Variants in FNBP1L observed in about 807,000 individuals in gnomAD.
FNBP1L encodes formin-binding protein 1-like.
In FNBP1L, 36 loss-of-function variants were observed where a neutral mutation model predicts 91.2. The observed-to-expected ratio is 0.39, with a 90% CI of 0.30 to 0.52. The LOEUF is 0.52. Among genes scored for constraint, FNBP1L ranks in the 20% least tolerant of loss-of-function variants. The probability of loss-of-function intolerance (pLI) is 0.66; values close to 1 mark genes in which losing one functional copy is unlikely to be tolerated. For synonymous variants in FNBP1L, 242 were observed against 237.0 expected, an observed-to-expected ratio of 1.02 and a Z score of -0.19; for missense variants, 571 against 732.1, an observed-to-expected ratio of 0.78 and a Z score of 2.54.
intron 13 of FNBP1L, 141 bp from the exon 14 acceptor site, chr1:93,547,206 T>C (rs1672271488): frequency 1.1e-5 from 10 of 880,870 alleles, no homozygotes; most frequent in African/African-American, 1.7e-5. Flanking sequence ...AAGTTGATCC[T>C]TTGACCAGTT....
At position 93,516,606 on chromosome 1, in the gene FNBP1L, C is replaced by T. The variant is rs117977005; in HGVS notation, c.141-5476C>T. ...TAAGGTGAGGTCAGGAGTTTGAGAT[C>T]GGCCTGACTGACATGGTGAAACCCC... is the stretch of plus-strand genomic sequence containing the variant. On this transcript the variant is annotated intron_variant, in intron 2 of 16. Transcript: ENST00000271234. 9.1e-3 allele frequency among the ~76,000 whole-genome samples: 1,388 copies of T among 152,102 alleles called. 54 individuals are homozygous for T. Among genetic ancestry groups the T allele is most frequent in the Admixed American group, 0.061 (932 of 15,272 alleles).
At chr1:93,487,114 T>C (rs1222389369) in intron 1 of FNBP1L, among the ~76,000 whole-genome samples, 1 of 152,184 alleles carries the variant, frequency 6.6e-6, no homozygotes, top group African/African-American at 2.4e-5. Flanking sequence ...TGCATGTTGC[T>C]AAAGTGGTCA....
intron 5 of FNBP1L, among the ~76,000 whole-genome samples, chr1:93,525,396 C>T (rs1308831909): frequency 6.6e-6 from 1 of 151,938 alleles, no homozygotes; most frequent in African/African-American, 2.4e-5. Flanking sequence ...TTCTAATCAC[C>T]AGTGCTGATT....
At chr1:93,512,180 A>G (rs897109726) in intron 2 of FNBP1L, among the ~76,000 whole-genome samples, 4 of 152,194 alleles carry the variant, frequency 2.6e-5, no homozygotes, top group Admixed American at 6.5e-5. Context: ...AAAGAAGGCC[A>G]TTACATAATG....
At chr1:93,464,313 T>C (rs1033442495) in intron 1 of FNBP1L, among the ~76,000 whole-genome samples, 1 of 152,222 alleles carries the variant, frequency 6.6e-6, no homozygotes, top group African/African-American at 2.4e-5. Flanking sequence ...TGTAAAGATA[T>C]GTACAATTTT....
intron 1 of FNBP1L, among the ~76,000 whole-genome samples, chr1:93,498,221 A>G (rs552124589): frequency 6.6e-6 from 1 of 152,304 alleles, no homozygotes; most frequent in East Asian, 1.9e-4. Flanking sequence ...CTTTGAAGCA[A>G]TTTAGAAAAA....
At chr1:93,551,139 C>T in intron 16 of FNBP1L, 34 bp downstream of exon 16, 1 of 1,547,346 alleles carries the variant, frequency 6.5e-7, no homozygotes. Flanking sequence ...AACCAGGCAC[C>T]TTTGTGCCAT....
At chr1:93,482,720 C>CCT (rs1376683487) in intron 1 of FNBP1L, among the ~76,000 whole-genome samples, 1 of 151,726 alleles carries the variant, frequency 6.6e-6, no homozygotes, top group Non-Finnish European at 1.5e-5. Context: ...TGGTGAAACC[C>CCT]CTCTCTCTAC....
chr1:93,506,499 G>GTT (rs1670617812), intron 2 of FNBP1L, among the ~76,000 whole-genome samples: 1 of 150,450 alleles, frequency 6.6e-6, no homozygotes, highest in South Asian at 2.2e-4. Context: ...GGCCATATGT[G>GTT]TTAATCTGGC....
intron 1 of FNBP1L, among the ~76,000 whole-genome samples, chr1:93,474,402 A>T (rs555312438): frequency 1.3e-5 from 2 of 152,288 alleles, no homozygotes; most frequent in Admixed American, 1.3e-4. Flanking sequence ...GTGATTCTGG[A>T]GGAGGAAAGA....
At chr1:93,545,991 A>G (rs1003667752) in intron 12 of FNBP1L, among the ~76,000 whole-genome samples, 5 of 152,144 alleles carry the variant, frequency 3.3e-5, no homozygotes, top group Non-Finnish European at 7.4e-5. Context: ...GGGTTTAAAG[A>G]TATGAATCTA....
chr1:93,523,617 T>C, intron 4 of FNBP1L, 126 bp downstream of exon 4: 1 of 946,346 alleles, frequency 1.1e-6, no homozygotes. Context: ...TTCTTCTAGC[T>C]AAAAATTATC....
chr1:93,483,943 T>C (rs994757637), intron 1 of FNBP1L, among the ~76,000 whole-genome samples: 3 of 152,374 alleles, frequency 2.0e-5, no homozygotes, highest in African/African-American at 7.2e-5. Context: ...GCAAATAGTT[T>C]ATTGAGATGG....
intron 7 of FNBP1L, 37 bp from the exon 8 acceptor site, chr1:93,532,885 T>G (rs746077375): frequency 1.3e-6 from 2 of 1,521,326 alleles, no homozygotes; most frequent in East Asian, 2.3e-5. Context: ...ATTGAAAAAT[T>G]CAGTTTTCTC....
chr1:93,552,176 G>T, intron 16 of FNBP1L: 1 of 1,304,438 alleles, frequency 7.7e-7, no homozygotes, highest in East Asian at 2.9e-5. Flanking sequence ...CAAGGATTGT[G>T]CAGTGCTGGT....
intron 2 of FNBP1L, among the ~76,000 whole-genome samples, chr1:93,500,627 A>C (rs533271142): frequency 6.6e-6 from 1 of 152,170 alleles, no homozygotes; most frequent in African/African-American, 2.4e-5. Context: ...ACAATTTACT[A>C]ATACTGACTT....
At chr1:93,458,051 G>A (rs201949516) in intron 1 of FNBP1L, among the ~76,000 whole-genome samples, 1 of 152,082 alleles carries the variant, frequency 6.6e-6, no homozygotes, top group African/African-American at 2.4e-5. Context: ...CAGCCTCCCA[G>A]AGTGCTGGGA....
At chr1:93,515,851 A>G (rs1671083222) in intron 2 of FNBP1L, among the ~76,000 whole-genome samples, 1 of 152,110 alleles carries the variant, frequency 6.6e-6, no homozygotes, top group Non-Finnish European at 1.5e-5. Flanking sequence ...CCAGCATGGC[A>G]CATGTATACA....
intron 12 of FNBP1L, among the ~76,000 whole-genome samples, chr1:93,544,642 T>C (rs1341361047): frequency 6.6e-6 from 1 of 152,190 alleles, no homozygotes; most frequent in Non-Finnish European, 1.5e-5. Context: ...TTTACTTTTT[T>C]ATTTCATTTT....
Sources: gnomAD v4.1 joint callset for allele counts (sites outside exome capture counted in the v4.1 genomes callset) on GRCh38, gnomAD v4.1.1 for gene constraint, MANE v1.5 for transcripts, NCBI Gene and HGNC (gene_info 2026-07-23, HGNC 2026-07-21) for gene names.